The following AFF3 variants were observed in gnomAD, a reference collection of about 807,000 sequenced individuals.
AFF3 encodes the protein ALF transcription elongation factor 3.
In AFF3, 32 loss-of-function variants were observed where a neutral mutation model predicts 129.7. That is an observed-to-expected ratio of 0.25 (90% CI 0.19 to 0.33). The LOEUF (loss-of-function observed/expected upper bound fraction) is 0.33, where lower values mean the gene tolerates loss of function less well. Ranked by LOEUF, AFF3 falls within the 10% of genes least tolerant of loss-of-function variation. The pLI is 1.00. For synonymous variants in AFF3, 644 were observed against 635.4 expected (o/e 1.01, Z -0.20); for missense variants, 1,373 against 1,592.0 (o/e 0.86, Z 2.34).
Position 99,693,975 on chromosome 2 carries a change from C to T in AFF3, c.1092-21386G>A, listed in dbSNP as rs182868579. 1.8e-4 allele frequency among the ~76,000 whole-genome samples: 27 copies of T among 151,368 alleles called. No homozygotes were observed. The East Asian group carries it at 2.2e-3, about 12-fold the overall frequency. On this transcript the variant is annotated intron_variant, in intron 11 of 24. Transcript: ENST00000672756. ...CTCTGTCACCCAGGGTGCAGTGCAG[C>T]GGCACCATCTCGGCTCACTGCAACC... is the stretch of plus-strand genomic sequence containing the variant.
At chr2:99,820,604 T>G (rs1378091954) in intron 8 of AFF3, among the ~76,000 whole-genome samples, 1 of 150,688 alleles carries the variant, frequency 6.6e-6, no homozygotes, top group African/African-American at 2.4e-5. Flanking sequence ...AACCTTAGCT[T>G]GCTGCACCAT....
At chr2:99,642,972 A>C (rs1426016968) in intron 13 of AFF3, among the ~76,000 whole-genome samples, 1 of 152,202 alleles carries the variant, frequency 6.6e-6, no homozygotes, top group Non-Finnish European at 1.5e-5. Flanking sequence ...TTTAAAAATA[A>C]CTAAAAGAGT....
chr2:99,803,006 T>G lies in AFF3; in HGVS notation c.921+34471A>C, dbSNP rs548887133. Among the ~76,000 whole-genome samples, 3 of 152,236 alleles carry G rather than the reference T, an allele frequency of 2.0e-5. No individual in the cohort carries two copies. The South Asian group carries it at 6.2e-4, about 32-fold the overall frequency. On this transcript the variant is annotated intron_variant, in intron 8 of 24. Coordinates refer to ENST00000672756, the MANE Select transcript of AFF3 (RefSeq NM_001386135.1). ...CTTCCAGTGCTATCCTGAATAGAAG[T>G]GGTGAAAGTGGGTATCCTTGTCTTA...
intron 7 of AFF3, among the ~76,000 whole-genome samples, chr2:99,971,977 A>G (rs1048921768): frequency 1.3e-5 from 2 of 152,214 alleles, no homozygotes; most frequent in African/African-American, 4.8e-5. Flanking sequence ...AGAAGGCTAA[A>G]TCCATTAACA....
At chr2:99,847,539 G>A (rs545229289) in intron 7 of AFF3, among the ~76,000 whole-genome samples, 337 of 152,048 alleles carry the variant, frequency 2.2e-3, no homozygotes, top group Non-Finnish European at 3.4e-3. Context: ...CTATTATAGT[G>A]GCAATCTATT....
chr2:100,123,651 A>C (rs1692071347), intron 2 of AFF3, among the ~76,000 whole-genome samples: 2 of 152,214 alleles, frequency 1.3e-5, no homozygotes, highest in Admixed American at 1.3e-4. Flanking sequence ...TTTGACTCTT[A>C]GAAATCTCCA....
chr2:99,937,914 G>C (rs1383016281), intron 7 of AFF3, among the ~76,000 whole-genome samples: 1 of 152,180 alleles, frequency 6.6e-6, no homozygotes, highest in Non-Finnish European at 1.5e-5. Context: ...TGTATTTCCA[G>C]AGTCACCTAT....
rs772949506 is a variant in AFF3 at position 99,549,583 on chromosome 2, CA to C, written c.*1890del. The C allele has an allele frequency of 2.6e-4, 49 of 190,766 alleles. No homozygotes were observed. Among genetic ancestry groups the C allele is most frequent in the Middle Eastern group, 1.7e-3 (1 of 578 alleles). The allele number at this position is 190,766 out of a possible 1,614,324, so 11.8% of individuals were successfully genotyped here. A position where few individuals can be genotyped will look rare whatever the true frequency, so the allele number is the denominator to read the frequency against. ...CTGGGCAACAGAGCGAAACTCGTCT[CA>C]AAAAAAAAGTGAAAGGGTTGTAAGA... On this transcript the variant is annotated 3_prime_UTR_variant, in exon 25 of 25. Transcript: ENST00000672756.
intron 4 of AFF3, among the ~76,000 whole-genome samples, chr2:100,062,285 G>A (rs542690672): frequency 6.6e-6 from 1 of 152,348 alleles, no homozygotes; most frequent in East Asian, 1.9e-4. Flanking sequence ...TGCCCATGTG[G>A]AAGGCCCTTT....
At chr2:99,706,819 G>A (rs1677443381) in intron 11 of AFF3, among the ~76,000 whole-genome samples, 1 of 152,188 alleles carries the variant, frequency 6.6e-6, no homozygotes, top group Admixed American at 6.5e-5. Context: ...GAGGGAAGCT[G>A]TAAGCCCAGC....
At chr2:99,799,120 A>G (rs1685749857) in intron 8 of AFF3, among the ~76,000 whole-genome samples, 1 of 152,066 alleles carries the variant, frequency 6.6e-6, no homozygotes, top group Non-Finnish European at 1.5e-5. Flanking sequence ...CATGTATACT[A>G]GTATCAAAAA....
At chr2:99,935,942 A>C (rs1192576693) in intron 7 of AFF3, among the ~76,000 whole-genome samples, 1 of 152,224 alleles carries the variant, frequency 6.6e-6, no homozygotes, top group African/African-American at 2.4e-5. Flanking sequence ...AGGTCTTCCC[A>C]GTAAGTAACC....
chr2:99,948,048 T>A (rs62149260), intron 7 of AFF3, among the ~76,000 whole-genome samples: 14,179 of 152,140 alleles, frequency 0.093, 912 homozygotes, highest in Non-Finnish European at 0.13. Flanking sequence ...TTGTGACAAT[T>A]GTATTTAAAA....
intron 7 of AFF3, among the ~76,000 whole-genome samples, chr2:99,959,696 C>CATATATATATATATAT (rs58551565): frequency 1.4e-5 from 2 of 138,122 alleles, no homozygotes; most frequent in African/African-American, 5.3e-5. Context: ...TAGTGTATAG[C>CATATATATATATATAT]ATATATATAT....
At chr2:100,044,850 G>A (rs1244510924) in intron 4 of AFF3, among the ~76,000 whole-genome samples, 2 of 151,798 alleles carry the variant, frequency 1.3e-5, no homozygotes, top group Non-Finnish European at 2.9e-5. Flanking sequence ...ATGGGGCCTC[G>A]AAATGGACAG....
At chr2:99,664,465 A>G (rs1405720345) in intron 12 of AFF3, among the ~76,000 whole-genome samples, 1 of 152,256 alleles carries the variant, frequency 6.6e-6, no homozygotes, top group African/African-American at 2.4e-5. Context: ...GTTTCAATAT[A>G]GCTTGATGTA....
At chr2:100,043,272 G>T (rs971959628) in intron 4 of AFF3, among the ~76,000 whole-genome samples, 2 of 152,108 alleles carry the variant, frequency 1.3e-5, no homozygotes, top group Non-Finnish European at 2.9e-5. Context: ...ATATCAATTT[G>T]GCGGTGAAAA....
chr2:100,110,277 C>G (rs1691469413), intron 2 of AFF3: 1 of 152,214 alleles, frequency 6.6e-6, no homozygotes, highest in Non-Finnish European at 1.5e-5. Context: ...GGACCTCCTT[C>G]TTGGCTTAAA....
intron 13 of AFF3, among the ~76,000 whole-genome samples, chr2:99,637,209 T>A (rs1246561507): frequency 6.6e-6 from 1 of 152,202 alleles, no homozygotes; most frequent in Non-Finnish European, 1.5e-5. Flanking sequence ...AGATTTGATA[T>A]CATGACTTTA....
Sources: gnomAD v4.1 joint callset for allele counts (sites outside exome capture counted in the v4.1 genomes callset) on GRCh38, gnomAD v4.1.1 for gene constraint, MANE v1.5 for transcripts, NCBI Gene and HGNC (gene_info 2026-07-23, HGNC 2026-07-21) for gene names.